CNTN5: variants seen among roughly 807,000 people sequenced by gnomAD.
CNTN5 encodes the protein contactin 5, also known as contactin-5.
In CNTN5, 77 loss-of-function variants were observed where a neutral mutation model predicts 129.1. The ratio of observed to expected loss-of-function variants is 0.60; its 90% CI spans 0.50 to 0.72. The LOEUF (loss-of-function observed/expected upper bound fraction) is 0.72. Ranked by LOEUF, CNTN5 falls within the 30% of genes least tolerant of loss-of-function variation. The pLI is 0.00. For synonymous variants in CNTN5, 509 were observed against 465.6 expected (o/e 1.09, Z -1.20); for missense variants, 1,478 against 1,328.8 (o/e 1.11, Z -1.75).
At chr11:99,981,098 A>ATATATATATATATATATATATATT (rs1160392030) in intron 8 of CNTN5, among the ~76,000 whole-genome samples, 40 of 60,640 alleles carry the variant, frequency 6.6e-4, no homozygotes, top group Admixed American at 1.3e-3. Flanking sequence ...ATATATATAT[A>ATATATATATATATATATATATATT]TATATACACA....
At chr11:99,817,894 C>A (rs1393856389) in intron 3 of CNTN5, among the ~76,000 whole-genome samples, 1 of 152,082 alleles carries the variant, frequency 6.6e-6, no homozygotes, top group Admixed American at 6.6e-5. Flanking sequence ...TTGTGGTTGA[C>A]CAGCAAAGAG....
At position 99,819,527 on chromosome 11, in the gene CNTN5, T is replaced by A; in HGVS notation, c.56-17T>A. ...TTTCCTCAAAATTCAGATTTTATTA[T>A]ATTTTTTCTCTTACAGAGTATTCAA... On this transcript the variant is annotated splice_polypyrimidine_tract_variant and intron_variant, in intron 3 of 24. Transcript: ENST00000524871. 1 of 1,578,638 alleles carries A rather than the reference T, an allele frequency of 6.3e-7. No individual in the cohort carries two copies. Among genetic ancestry groups the A allele is most frequent in the South Asian group, 1.1e-5 (1 of 88,282 alleles).
intron 3 of CNTN5, among the ~76,000 whole-genome samples, chr11:99,744,721 G>GAAA (rs35204165): frequency 2.7e-5 from 3 of 112,874 alleles, no homozygotes; most frequent in Non-Finnish European, 3.6e-5. Flanking sequence ...CCCTGTCTCA[G>GAAA]AAAAAAAAAA....
At chr11:99,301,876 G>A (rs1296996047) in intron 1 of CNTN5, among the ~76,000 whole-genome samples, 3 of 151,624 alleles carry the variant, frequency 2.0e-5, no homozygotes, top group African/African-American at 7.3e-5. Flanking sequence ...AGCATGTAAA[G>A]TATGGACTCA....
At chr11:99,507,985 C>A (rs991988490) in intron 2 of CNTN5, among the ~76,000 whole-genome samples, 1 of 152,156 alleles carries the variant, frequency 6.6e-6, no homozygotes, top group Middle Eastern at 3.2e-3. Flanking sequence ...TTATTTTATT[C>A]ACTTCATTAC....
At chr11:99,692,081 T>C (rs1007867017) in intron 3 of CNTN5, among the ~76,000 whole-genome samples, 2 of 152,210 alleles carry the variant, frequency 1.3e-5, no homozygotes, top group Non-Finnish European at 2.9e-5. Context: ...TTTTAGGTTT[T>C]CCATTTGCTT....
chr11:100,338,558 C>T (rs191618876), intron 21 of CNTN5, among the ~76,000 whole-genome samples: 129 of 152,326 alleles, frequency 8.5e-4, no homozygotes, highest in African/African-American at 2.5e-3. Context: ...TTATGACCTT[C>T]GCCGCAGTAA....
At chr11:99,460,772 C>T (rs1390967197) in intron 2 of CNTN5, among the ~76,000 whole-genome samples, 1 of 151,926 alleles carries the variant, frequency 6.6e-6, no homozygotes, top group African/African-American at 2.4e-5. Flanking sequence ...ATTCTCGTAC[C>T]TTGCTAGTGA....
At chr11:100,312,421 A>T (rs1591504670) in intron 21 of CNTN5, among the ~76,000 whole-genome samples, 1 of 151,988 alleles carries the variant, frequency 6.6e-6, no homozygotes, top group South Asian at 2.1e-4. Context: ...ACACATCTGG[A>T]ACTTACTGCT....
intron 13 of CNTN5, among the ~76,000 whole-genome samples, chr11:100,118,384 G>A (rs1355735096): frequency 2.0e-5 from 3 of 151,768 alleles, no homozygotes; most frequent in Non-Finnish European, 2.9e-5. Context: ...AGTACTGCTC[G>A]TTACACTATA....
At chr11:99,379,202 A>G (rs1334789335) in intron 2 of CNTN5, among the ~76,000 whole-genome samples, 2 of 138,054 alleles carry the variant, frequency 1.4e-5, no homozygotes, top group African/African-American at 5.4e-5. Flanking sequence ...TTACTGTTGT[A>G]TCACCAGTAC....
At chr11:99,476,903 T>C (rs775518879) in intron 2 of CNTN5, among the ~76,000 whole-genome samples, 7 of 152,092 alleles carry the variant, frequency 4.6e-5, no homozygotes, top group Non-Finnish European at 7.4e-5. Context: ...TGTTTTGTTA[T>C]CTCTTCCCGT....
At chr11:99,426,706 T>A (rs1193670782) in intron 2 of CNTN5, among the ~76,000 whole-genome samples, 1 of 152,170 alleles carries the variant, frequency 6.6e-6, no homozygotes, top group East Asian at 1.9e-4. Context: ...TGCGTCCACG[T>A]CTTCCATGTT....
Position 99,175,647 on chromosome 11 carries a change from T to G in CNTN5, c.-209-149699T>G, listed in dbSNP as rs150207527. 3.2e-4 allele frequency among the ~76,000 whole-genome samples: 49 copies of G among 152,264 alleles called. No individual in the cohort carries two copies. In the East Asian group the frequency reaches 7.1e-3, roughly 22 times the overall value. On this transcript the variant is annotated intron_variant, in intron 1 of 24. Transcript: ENST00000524871. The stretch of plus-strand genomic sequence containing the variant: ...CACTAAATGAAAAATGTCTTCTTCT[T>G]TCTGCCAGAGATCTTGGAAACCCCA...
intron 7 of CNTN5, among the ~76,000 whole-genome samples, chr11:99,948,144 T>C (rs775150498): frequency 4.9e-4 from 75 of 152,224 alleles, no homozygotes; most frequent in Non-Finnish European, 7.9e-4. Flanking sequence ...CTGCCATTGA[T>C]TTCAGAAAAT....
chr11:99,271,460 C>A (rs766494846), intron 1 of CNTN5, among the ~76,000 whole-genome samples: 7 of 151,924 alleles, frequency 4.6e-5, no homozygotes, highest in South Asian at 2.1e-4. Flanking sequence ...ATTATCAGTG[C>A]AATTTAGACT....
intron 2 of CNTN5, among the ~76,000 whole-genome samples, chr11:99,372,906 G>A (rs551770280): frequency 9.2e-5 from 14 of 152,178 alleles, no homozygotes; most frequent in African/African-American, 2.4e-5. Context: ...TAAACCAGTT[G>A]AAATAAAAAT....
chr11:99,785,738 A>T (rs1010981958), intron 3 of CNTN5, among the ~76,000 whole-genome samples: 3 of 152,156 alleles, frequency 2.0e-5, no homozygotes, highest in African/African-American at 7.2e-5. Context: ...ACATAAACAG[A>T]ACCAATGACA....
intron 1 of CNTN5, among the ~76,000 whole-genome samples, chr11:99,101,796 G>T (rs1866746260): frequency 6.6e-6 from 1 of 152,166 alleles, no homozygotes; most frequent in South Asian, 2.1e-4. Context: ...CAGGCACATG[G>T]TGTGAGGTGT....
Sources: allele counts gnomAD v4.1 joint callset (sites outside exome capture counted in the v4.1 genomes callset), GRCh38; gene constraint gnomAD v4.1.1; transcripts MANE v1.5; gene names NCBI Gene and HGNC (gene_info 2026-07-23, HGNC 2026-07-21).